The following ANKRD6 variants were observed in gnomAD, a reference collection of about 807,000 sequenced individuals.
The protein encoded by ANKRD6 is ankyrin repeat domain 6, also known as ankyrin repeat domain-containing protein 6.
Under a neutral mutation model 82.3 loss-of-function variants are expected in ANKRD6, and 56 were observed. The ratio of observed to expected loss-of-function variants is 0.68; its 90% CI spans 0.55 to 0.85. The LOEUF (loss-of-function observed/expected upper bound fraction) is 0.85. ANKRD6 is among the 40% of genes least tolerant of loss of function. ANKRD6 has a pLI of 0.00. For synonymous variants in ANKRD6, 347 were observed against 352.1 expected (o/e 0.99, Z 0.16); for missense variants, 852 against 907.6 (o/e 0.94, Z 0.79).
intron 1 of ANKRD6, among the ~76,000 whole-genome samples, chr6:89,560,354 C>T (rs1583282062): frequency 6.6e-6 from 1 of 152,194 alleles, no homozygotes; most frequent in African/African-American, 2.4e-5. Context: ...TGTGTGTGCA[C>T]ACTCAGAGTA....
At chr6:89,489,244 C>T (rs564725973) in intron 1 of ANKRD6, among the ~76,000 whole-genome samples, 7 of 152,278 alleles carry the variant, frequency 4.6e-5, no homozygotes, top group East Asian at 3.9e-4. Flanking sequence ...TTCCCTGAAC[C>T]GGCTGCTGCA....
intron 1 of ANKRD6, among the ~76,000 whole-genome samples, chr6:89,434,945 G>A (rs1327187479): frequency 2.6e-5 from 4 of 152,148 alleles, no homozygotes; most frequent in African/African-American, 9.7e-5. Flanking sequence ...ACAACTAGTC[G>A]CAGTGTTGGG....
chr6:89,586,925 A>T (rs1261809600), intron 2 of ANKRD6, among the ~76,000 whole-genome samples: 1 of 152,118 alleles, frequency 6.6e-6, no homozygotes, highest in Non-Finnish European at 1.5e-5. Flanking sequence ...ACAGTGGCTC[A>T]TGGTTAAAAT....
At chr6:89,586,136 G>A (rs1793637352) in intron 2 of ANKRD6, among the ~76,000 whole-genome samples, 1 of 152,120 alleles carries the variant, frequency 6.6e-6, no homozygotes, top group African/African-American at 2.4e-5. Flanking sequence ...TTACCTAATA[G>A]AATGCAGCAT....
At chr6:89,626,102 T>C (rs530719345) in intron 13 of ANKRD6, among the ~76,000 whole-genome samples, 1 of 152,344 alleles carries the variant, frequency 6.6e-6, no homozygotes, top group East Asian at 1.9e-4. Context: ...ATTTCCTTGT[T>C]TACTGGTAAG....
At chr6:89,627,542 A>C in intron 13 of ANKRD6, 41 bp from the exon 14 acceptor site, 1 of 1,592,860 alleles carries the variant, frequency 6.3e-7, no homozygotes, top group Non-Finnish European at 8.6e-7. Flanking sequence ...GCTCACCCTG[A>C]GATCATCTCA....
chr6:89,497,479 T>C (rs1045941209), intron 1 of ANKRD6, among the ~76,000 whole-genome samples: 2 of 152,162 alleles, frequency 1.3e-5, no homozygotes, highest in Non-Finnish European at 2.9e-5. Flanking sequence ...TTCTGCTTTG[T>C]AGGAAGACTA....
chr6:89,510,975 C>T (rs1318372305), intron 1 of ANKRD6, among the ~76,000 whole-genome samples: 7 of 152,110 alleles, frequency 4.6e-5, no homozygotes, highest in Admixed American at 2.6e-4. Flanking sequence ...ATAAAGGGAG[C>T]GGTAGAATCA....
rs548670527 is a variant in ANKRD6 at position 89,520,086 on chromosome 6, C to T, written c.-143-46748C>T. ...CACTTGCAGCCTCACCCTCCAGGCT[C>T]GATCCTCCTACTTCAGCCTCCCACA... On this transcript the variant is annotated intron_variant, in intron 1 of 15. Coordinates refer to ENST00000339746, the MANE Select transcript of ANKRD6 (RefSeq NM_001242809.2). Among the ~76,000 whole-genome samples the T allele has an allele frequency of 3.3e-5, 5 of 152,228 alleles. No homozygotes were observed. The East Asian group carries it at 9.6e-4, about 29-fold the overall frequency.
intron 10 of ANKRD6, 92 bp from the exon 11 acceptor site, chr6:89,623,318 C>A (rs941741007): frequency 2.4e-5 from 35 of 1,468,582 alleles, no homozygotes; most frequent in Non-Finnish European, 3.1e-5. Flanking sequence ...GGTCCCTTAC[C>A]ATATGGAATC....
intron 1 of ANKRD6, among the ~76,000 whole-genome samples, chr6:89,478,623 G>A (rs1250528351): frequency 4.0e-5 from 6 of 151,268 alleles, no homozygotes; most frequent in Admixed American, 6.6e-5. Flanking sequence ...AATCCCAGCC[G>A]GGGTGAGGAG....
chr6:89,618,278 G>A (rs1346692304), intron 9 of ANKRD6: 14 of 658,828 alleles, frequency 2.1e-5, no homozygotes, highest in Non-Finnish European at 3.6e-5. Flanking sequence ...ACGGCCAGCT[G>A]CCTAGGTCAT....
In ANKRD6 at chr6:89,621,840, A is replaced by G. The variant is rs777606690; in HGVS notation, c.793-82A>G. 4.4e-6 allele frequency: 6 copies of G among 1,367,786 alleles called. No homozygotes were observed. In the Admixed American group the frequency reaches 9.4e-5, roughly 21 times the overall value. 84.7% of individuals were successfully genotyped at this position (1,367,786 alleles called of 1,614,324 possible). On this transcript the variant is annotated intron_variant, in intron 9 of 15. Transcript: ENST00000339746. Reference sequence around the variant, plus strand: ...TCTAAGCTGTAAATTCCATTAGGTCAGAGCCCCAGGTCCAAGGAGAATTCT... The same window carrying G: ...TCTAAGCTGTAAATTCCATTAGGTCGGAGCCCCAGGTCCAAGGAGAATTCT...
intron 5 of ANKRD6, among the ~76,000 whole-genome samples, chr6:89,608,354 T>TACACACACACACACAC (rs540574068): frequency 5.1e-5 from 7 of 137,458 alleles, no homozygotes; most frequent in Admixed American, 7.1e-5. Flanking sequence ...CCCTCCCTAA[T>TACACACACACACACAC]ACACACACAC....
intron 5 of ANKRD6, among the ~76,000 whole-genome samples, chr6:89,610,042 T>G (rs1799824562): frequency 6.6e-6 from 1 of 152,154 alleles, no homozygotes; most frequent in Admixed American, 6.5e-5. Context: ...ATGTAGCAGC[T>G]CCTGTCTGGG....
At chr6:89,551,031 C>T (rs1022503246) in intron 1 of ANKRD6, among the ~76,000 whole-genome samples, 7 of 152,216 alleles carry the variant, frequency 4.6e-5, no homozygotes, top group African/African-American at 7.2e-5. Flanking sequence ...TTTTCCCTAT[C>T]TCTAGTTCTA....
intron 1 of ANKRD6, among the ~76,000 whole-genome samples, chr6:89,469,679 C>T (rs1775229780): frequency 6.6e-6 from 1 of 152,318 alleles, no homozygotes. Context: ...TTCCAGCTTG[C>T]AGTGCTCCTC....
intron 5 of ANKRD6, among the ~76,000 whole-genome samples, chr6:89,608,620 T>C (rs73490586): frequency 0.01 from 1,524 of 152,142 alleles, 29 homozygotes; most frequent in African/African-American, 0.035. Context: ...CCTCAGTGGC[T>C]TTGCCCTCCG....
chr6:89,492,250 C>T (rs771668394), intron 1 of ANKRD6, among the ~76,000 whole-genome samples: 3 of 152,082 alleles, frequency 2.0e-5, no homozygotes, highest in Non-Finnish European at 4.4e-5. Context: ...CTGGCCTGAG[C>T]GCGGATTTTG....
Sources: allele counts gnomAD v4.1 joint callset (sites outside exome capture counted in the v4.1 genomes callset), GRCh38; gene constraint gnomAD v4.1.1; transcripts MANE v1.5; gene names NCBI Gene and HGNC (gene_info 2026-07-23, HGNC 2026-07-21).